BCAS1: variants seen among roughly 807,000 people sequenced by gnomAD.
BCAS1 encodes the protein breast carcinoma-amplified sequence 1.
Under a neutral mutation model 65.4 loss-of-function variants are expected in BCAS1, and 46 were observed. The observed-to-expected ratio is 0.70, with a 90% CI of 0.55 to 0.90. The LOEUF (loss-of-function observed/expected upper bound fraction) is 0.90, where lower values mean the gene tolerates loss of function less well. BCAS1 is among the 40% of genes least tolerant of loss of function. The pLI is 0.00. For synonymous variants in BCAS1, 298 were observed against 293.5 expected (o/e 1.02, Z -0.16); for missense variants, 793 against 771.2 (o/e 1.03, Z -0.33).
At chr20:54,018,773 T>G (rs1420865836) in intron 4 of BCAS1, among the ~76,000 whole-genome samples, 1 of 152,232 alleles carries the variant, frequency 6.6e-6, no homozygotes, top group Non-Finnish European at 1.5e-5. Context: ...CCATGATGGG[T>G]GTATTTACTT....
chr20:54,062,734 A>C (rs1271654940), intron 1 of BCAS1, among the ~76,000 whole-genome samples: 3 of 152,238 alleles, frequency 2.0e-5, no homozygotes, highest in Non-Finnish European at 4.4e-5. Context: ...CACCCTAAGT[A>C]GCCTCTCGGC....
At chr20:54,025,876 G>A (rs2146077236) in intron 4 of BCAS1, among the ~76,000 whole-genome samples, 1 of 152,232 alleles carries the variant, frequency 6.6e-6, no homozygotes, top group Middle Eastern at 3.4e-3. Context: ...GAACTATGCA[G>A]CCGGGAGTCA....
At chr20:54,022,901 T>C (rs1241720515) in intron 4 of BCAS1, among the ~76,000 whole-genome samples, 2 of 152,222 alleles carry the variant, frequency 1.3e-5, no homozygotes, top group Non-Finnish European at 2.9e-5. Flanking sequence ...CATCTCATAT[T>C]AAGCGTTTCT....
At chr20:54,065,520 C>T (rs1329553959) in intron 1 of BCAS1, among the ~76,000 whole-genome samples, 1 of 152,152 alleles carries the variant, frequency 6.6e-6, no homozygotes, top group East Asian at 1.9e-4. Flanking sequence ...CTGCTACATA[C>T]CCTGCAATGC....
chr20:53,957,302 T>C, intron 11 of BCAS1, 130 bp downstream of exon 11: 2 of 794,416 alleles, frequency 2.5e-6, no homozygotes, highest in Non-Finnish European at 4.3e-6. Flanking sequence ...GTTCTTGGCA[T>C]ATAGTAGGTG....
intron 1 of BCAS1, among the ~76,000 whole-genome samples, chr20:54,061,707 A>T (rs2092378816): frequency 6.6e-6 from 1 of 152,214 alleles, no homozygotes; most frequent in African/African-American, 2.4e-5. Flanking sequence ...ATGTCTTCTG[A>T]TCATACCACA....
intron 9 of BCAS1, among the ~76,000 whole-genome samples, chr20:53,974,379 A>C (rs1336311922): frequency 6.6e-6 from 1 of 152,194 alleles, no homozygotes; most frequent in African/African-American, 2.4e-5. Context: ...AGTCAGCGAG[A>C]CCAAGAACCC....
At position 54,027,943 on chromosome 20, in the gene BCAS1, AAAT is replaced by A. The variant is rs1671044384; in HGVS notation, c.723+446_723+448del. Among the ~76,000 whole-genome samples, 2 of 152,260 alleles carry A rather than the reference AAAT, an allele frequency of 1.3e-5. 1 individual carries two copies. The highest frequency in any genetic ancestry group is 4.1e-4 in the South Asian group (2 of 4,834). The stretch of plus-strand genomic sequence containing the variant: ...ACACACCTTAGAGCAAAAGATGGTT[AAAT>A]ATCAATTCAGGCTATTAACAGTAAG... On this transcript the variant is annotated intron_variant, in intron 4 of 12. Transcript: ENST00000688948.
intron 4 of BCAS1, among the ~76,000 whole-genome samples, chr20:54,002,283 T>C (rs6123337): frequency 0.17 from 25,328 of 152,070 alleles, 2,377 homozygotes; most frequent in East Asian, 0.28. Flanking sequence ...AGGCAGTAGG[T>C]AGGAGCAGAC....
In BCAS1 at chr20:53,985,471, G is replaced by A. The variant is rs1358000622; in HGVS notation, c.1091C>T (p.Ala364Val). ...KGAEKSPTTS[A>V]DLKSDKANFT... ...GTTGGCTTTGTCTGACTTAAGGTCA[G>A]CTGAAGTGGTGGGTGACTTTTCAGC... Residue 364 changes from alanine to valine, a missense_variant, in exon 8 of 13, where the codon GCT (alanine) becomes GTT (valine). Physicochemically the swap from Ala to Val is moderately conservative, Grantham distance 64 (BLOSUM62 0). Coordinates refer to ENST00000688948, the MANE Select transcript of BCAS1 (RefSeq NM_001366298.2). 1 of 1,614,016 alleles carries A rather than the reference G, an allele frequency of 6.2e-7. No individual in the cohort carries two copies. The highest frequency in any genetic ancestry group is 8.5e-7 in the Non-Finnish European group (1 of 1,179,950).
chr20:54,035,063 G>A (rs1466802307), intron 3 of BCAS1, among the ~76,000 whole-genome samples: 1 of 151,196 alleles, frequency 6.6e-6, no homozygotes, highest in Admixed American at 6.6e-5. Context: ...AAAAAGTGCT[G>A]GGATAACCGG....
At chr20:54,058,175 TTG>T (rs1568930437) in intron 2 of BCAS1, 21 bp from the exon 3 acceptor site, 5 of 1,611,070 alleles carry the variant, frequency 3.1e-6, no homozygotes, top group Non-Finnish European at 4.2e-6. Context: ...GCACGTGGCA[TTG>T]TGAGACAAAT....
chr20:54,066,908 A>G (rs2092450975), intron 1 of BCAS1, among the ~76,000 whole-genome samples: 1 of 152,158 alleles, frequency 6.6e-6, no homozygotes, highest in African/African-American at 2.4e-5. Context: ...TAGACTTTTA[A>G]CTTTTCTATT....
intron 1 of BCAS1, among the ~76,000 whole-genome samples, chr20:54,066,878 G>T (rs138571142): frequency 6.6e-6 from 1 of 152,126 alleles, no homozygotes; most frequent in Non-Finnish European, 1.5e-5. Flanking sequence ...CTTAACCCTC[G>T]CAAACTCAAG....
At chr20:54,056,531 A>G (rs2092299074) in intron 3 of BCAS1, among the ~76,000 whole-genome samples, 1 of 152,198 alleles carries the variant, frequency 6.6e-6, no homozygotes, top group Non-Finnish European at 1.5e-5. Flanking sequence ...CAGGTACATT[A>G]AAAGCCCAGA....
At chr20:54,058,914 A>T (rs2092340637) in intron 1 of BCAS1, among the ~76,000 whole-genome samples, 191 bp from the exon 2 acceptor site, 1 of 152,200 alleles carries the variant, frequency 6.6e-6, no homozygotes, top group Admixed American at 6.5e-5. Flanking sequence ...GTAATTTATA[A>T]AGAAAAGAGG....
At chr20:54,025,692 C>T (rs1468912214) in intron 4 of BCAS1, among the ~76,000 whole-genome samples, 1 of 151,878 alleles carries the variant, frequency 6.6e-6, no homozygotes, top group East Asian at 1.9e-4. Flanking sequence ...CGGCTGAGCC[C>T]AAGGCATAAT....
intron 8 of BCAS1, among the ~76,000 whole-genome samples, chr20:53,984,387 G>C (rs1210692410): frequency 2.6e-5 from 4 of 152,198 alleles, no homozygotes; most frequent in African/African-American, 9.7e-5. Context: ...GAACCTGGAA[G>C]GAAGGTTTCT....
At chr20:53,961,086 T>C (rs770039002) in intron 10 of BCAS1, among the ~76,000 whole-genome samples, 12 of 152,260 alleles carry the variant, frequency 7.9e-5, no homozygotes, top group Non-Finnish European at 1.2e-4. Context: ...TGTATATTAA[T>C]GAAATCATTT....
Sources: gnomAD v4.1 joint callset for allele counts (sites outside exome capture counted in the v4.1 genomes callset) on GRCh38, gnomAD v4.1.1 for gene constraint, MANE v1.5 for transcripts, NCBI Gene and HGNC (gene_info 2026-07-23, HGNC 2026-07-21) for gene names.